The following FERMT1 variants were observed in gnomAD, a reference collection of about 807,000 sequenced individuals.
FERMT1 encodes the protein fermitin family homolog 1.
FERMT1 carries 60 observed loss-of-function variants against 85.3 expected under a neutral mutation model. The ratio of observed to expected loss-of-function variants is 0.70; its 90% CI spans 0.57 to 0.87. The LOEUF is 0.87. FERMT1 is among the 40% of genes least tolerant of loss of function. FERMT1 has a pLI of 0.00. For missense variants in FERMT1, 701 were observed against 818.9 expected (o/e 0.86, Z 1.76); for synonymous variants, 275 against 301.1 (o/e 0.91, Z 0.90).
At position 6,105,000 on chromosome 20, in the gene FERMT1, A is replaced by T. The variant is rs1269998452; in HGVS notation, c.849+2532T>A. Among the ~76,000 whole-genome samples, 1 of 152,190 alleles carries T rather than the reference A, an allele frequency of 6.6e-6. No individual in the cohort carries two copies. Among genetic ancestry groups the T allele is most frequent in the Admixed American group, 6.5e-5 (1 of 15,272 alleles). Reference sequence around the variant, plus strand: ...AAAGAAACTGCTGGAAGGGTCCCCAAGGACCCTATGAGTCCTTGGGCTGAG... The same window carrying T: ...AAAGAAACTGCTGGAAGGGTCCCCATGGACCCTATGAGTCCTTGGGCTGAG... On this transcript the variant is annotated intron_variant, in intron 6 of 14. Transcript: ENST00000217289. The surrounding 1 kb of genome is among the most constrained non-coding windows in gnomAD (Gnocchi z 4.2).
At position 6,085,174 on chromosome 20, in the gene FERMT1, C is replaced by T; in HGVS notation, c.1485G>A (p.Met495Ile). The change falls in exon 12 of 15, where the codon ATG (methionine) becomes ATA (isoleucine). Residue 495 changes from methionine (M) to isoleucine (I), a missense_variant. Physicochemically the swap from Met to Ile is conservative, Grantham distance 10. Coordinates refer to ENST00000217289, the MANE Select transcript of FERMT1 (RefSeq NM_017671.5). ...CCTGAGATGCAGAGTTCCTGTTTTTCATCCTCAGAAATGAAAGGATGTTGA... is the reference window on the plus strand; with the variant it reads ...CCTGAGATGCAGAGTTCCTGTTTTTTATCCTCAGAAATGAAAGGATGTTGA... ...EVLNILSFLR[M>I]KNRNSASQVA... is the part of the protein sequence containing the mutation. 1 of 1,614,186 alleles carries T rather than the reference C, an allele frequency of 6.2e-7. No homozygotes were observed. Among genetic ancestry groups the T allele is most frequent in the East Asian group, 2.2e-5 (1 of 44,876 alleles).
intron 13 of FERMT1, among the ~76,000 whole-genome samples, chr20:6,080,112 G>A (rs796668593): frequency 2.3e-4 from 35 of 152,246 alleles, no homozygotes; most frequent in African/African-American, 7.9e-4. Context: ...GTGGATATCT[G>A]GGGAAAGAGT....
Position 6,112,530 on chromosome 20 carries a change from A to C in FERMT1, c.479T>G (p.Ile160Arg). Residue 160 changes from isoleucine (I) to arginine (R), a missense_variant, in exon 4 of 15, where the codon ATA becomes AGA. By Grantham distance (97) the Ile-to-Arg change is moderately conservative. Coordinates refer to ENST00000217289, the MANE Select transcript of FERMT1 (RefSeq NM_017671.5). ...CTCCAGGTTTAGAATATCTTCAATT[A>C]TGGGTTCCTTATTATTTTTGTCTTT... is the stretch of plus-strand genomic sequence containing the variant. Reference protein sequence around the residue: ...KKKDKNNKEPIIEDILNLESS... With the variant: ...KKKDKNNKEPRIEDILNLESS... The C allele has an allele frequency of 6.2e-7, 1 of 1,612,756 alleles. No homozygotes were observed.
At chr20:6,101,243 A>G (rs985794746) in intron 6 of FERMT1, among the ~76,000 whole-genome samples, 1 of 152,238 alleles carries the variant, frequency 6.6e-6, no homozygotes, top group Non-Finnish European at 1.5e-5. Flanking sequence ...GCCCTTTGAT[A>G]AGCACATCCA....
At position 6,076,049 on chromosome 20, in the gene FERMT1, C is replaced by A; in HGVS notation, c.*1124G>T. On this transcript the variant is annotated 3_prime_UTR_variant, in exon 15 of 15. Transcript: ENST00000217289. ...GGGGGAGAAAAAAGTCTATTATTGG[C>A]TTGTGATTTACAAAAGCCAAAGTCC... The A allele has an allele frequency of 6.4e-6, 1 of 156,958 alleles. No homozygotes were observed. Among genetic ancestry groups the A allele is most frequent in the Non-Finnish European group, 1.4e-5 (1 of 70,994 alleles). 9.7% of individuals were successfully genotyped at this position (156,958 alleles called of 1,614,324 possible).
At chr20:6,115,418 A>T (rs1478014936) in intron 3 of FERMT1, among the ~76,000 whole-genome samples, 1 of 152,236 alleles carries the variant, frequency 6.6e-6, no homozygotes, top group East Asian at 1.9e-4. Flanking sequence ...ACTTTGGAAC[A>T]CCATTATCTC....
intron 12 of FERMT1, 28 bp from the exon 13 acceptor site, chr20:6,084,192 T>A (rs2232077): frequency 6.3e-7 from 1 of 1,596,938 alleles, no homozygotes. Context: ...TCAACCTCTC[T>A]TCACATGCAC....
At chr20:6,092,483 C>T (rs1982395446) in intron 9 of FERMT1, among the ~76,000 whole-genome samples, 1 of 152,012 alleles carries the variant, frequency 6.6e-6, no homozygotes, top group South Asian at 2.1e-4. Context: ...GTAGAGGCTG[C>T]AGTGAGCTGT....
chr20:6,097,803 G>A (rs202160969), intron 6 of FERMT1, among the ~76,000 whole-genome samples, 172 bp from the exon 7 acceptor site: 1 of 144,964 alleles, frequency 6.9e-6, no homozygotes. Context: ...TTTTTTTAAA[G>A]TTTTTTTTTT....
At chr20:6,089,809 A>T (rs1982299263) in intron 9 of FERMT1, among the ~76,000 whole-genome samples, 1 of 152,200 alleles carries the variant, frequency 6.6e-6, no homozygotes, top group Non-Finnish European at 1.5e-5. Context: ...TATACAGTGG[A>T]CTAGACAAGG....
intron 11 of FERMT1, among the ~76,000 whole-genome samples, chr20:6,087,445 G>C (rs564945848): frequency 6.6e-6 from 1 of 152,102 alleles, no homozygotes; most frequent in Admixed American, 6.5e-5. Flanking sequence ...CAAGTAGCTG[G>C]GATTACAGGC....
At chr20:6,117,578 C>T (rs1322875981) in intron 2 of FERMT1, among the ~76,000 whole-genome samples, 1 of 152,126 alleles carries the variant, frequency 6.6e-6, no homozygotes, top group Non-Finnish European at 1.5e-5. Flanking sequence ...GGATTGTAGG[C>T]ACGCACCACC....
intron 1 of FERMT1, among the ~76,000 whole-genome samples, 160 bp downstream of exon 1, chr20:6,122,614 C>T (rs1011706280): frequency 1.3e-5 from 2 of 152,160 alleles, no homozygotes; most frequent in African/African-American, 4.8e-5. Flanking sequence ...TGCGTAGGGC[C>T]GGAGAAGGTG....
intron 9 of FERMT1, among the ~76,000 whole-genome samples, chr20:6,092,790 C>T (rs1158629512): frequency 6.6e-6 from 1 of 152,110 alleles, no homozygotes; most frequent in Admixed American, 6.6e-5. Context: ...ATCTTCTATC[C>T]CTACATGGGA....
chr20:6,107,773 A>T, intron 5 of FERMT1, 139 bp from the exon 6 acceptor site: 1 of 566,466 alleles, frequency 1.8e-6, no homozygotes, highest in South Asian at 2.0e-5. Context: ...GAGTATCACT[A>T]ATTTGAAAAT....
rs1480048097 is a variant in FERMT1, at chr20:6,075,941, G to A, written c.*1232C>T. ...ACCAAAATGGAAAATGACAATTCAG[G>A]CAGCTGTTAATTGGCTCACTCTCTC... On this transcript the variant is annotated 3_prime_UTR_variant, in exon 15 of 15. Coordinates refer to ENST00000217289, the MANE Select transcript of FERMT1 (RefSeq NM_017671.5). 1.3e-5 allele frequency: 2 copies of A among 152,228 alleles called. No homozygotes were observed. The highest frequency in any genetic ancestry group is 2.4e-5 in the African/African-American group (1 of 41,374). The allele number at this position is 152,228 out of a possible 1,614,324, so 9.4% of individuals were successfully genotyped here. A position where few individuals can be genotyped will look rare whatever the true frequency, so the allele number is the denominator to read the frequency against.
At chr20:6,091,531 CA>C (rs1410645437) in intron 9 of FERMT1, among the ~76,000 whole-genome samples, 2 of 152,132 alleles carry the variant, frequency 1.3e-5, no homozygotes, top group Non-Finnish European at 2.9e-5. Context: ...CATGCCCAGG[CA>C]GTTCTAAGGA....
chr20:6,076,908 T>G lies in FERMT1; in HGVS notation c.*265A>C. On this transcript the variant is annotated 3_prime_UTR_variant, in exon 15 of 15. Transcript: ENST00000217289. The stretch of plus-strand genomic sequence containing the variant: ...AGAACTGTAACCACATGCTGGGCCT[T>G]AGAGCAATCTTAGGGCACCTGCTTT... The G allele has an allele frequency of 1.9e-6, 1 of 521,884 alleles. No homozygotes were observed. The highest frequency in any genetic ancestry group is 2.1e-5 in the South Asian group (1 of 48,252). 32.3% of individuals were successfully genotyped at this position (521,884 alleles called of 1,614,324 possible).
chr20:6,120,799 T>A (rs1730677005), intron 1 of FERMT1, among the ~76,000 whole-genome samples: 1 of 152,198 alleles, frequency 6.6e-6, no homozygotes. Context: ...TCAGCAGGTC[T>A]AGGGAGGGGC....
Sources: allele counts gnomAD v4.1 joint callset (sites outside exome capture counted in the v4.1 genomes callset), GRCh38; gene constraint gnomAD v4.1.1; non-coding constraint Gnocchi (gnomAD v3.1); transcripts MANE v1.5; gene names NCBI Gene and HGNC (gene_info 2026-07-23, HGNC 2026-07-21).